The following DYNC2I2 variants were observed in gnomAD, a reference collection of about 807,000 sequenced individuals.
DYNC2I2 encodes the protein cytoplasmic dynein 2 intermediate chain 2.
DYNC2I2 carries 39 observed loss-of-function variants against 52.0 expected under a neutral mutation model. That is an observed-to-expected ratio of 0.75 (90% CI 0.58 to 0.98). DYNC2I2 has a LOEUF of 0.98. Among genes scored for constraint, DYNC2I2 ranks in the 50% least tolerant of loss-of-function variants. The pLI is 0.00. For missense variants in DYNC2I2, 743 were observed against 728.4 expected, an observed-to-expected ratio of 1.02 and a Z score of -0.23; for synonymous variants, 359 against 321.1, an observed-to-expected ratio of 1.12 and a Z score of -1.26.
the DYNC2I2 span, among the ~76,000 whole-genome samples, chr9:128,667,953 G>A: frequency 1.2e-4 from 13 of 112,812 alleles, no homozygotes; most frequent in Admixed American, 4.0e-4. Context: ...GGATGGTCTC[G>A]ATCTCTTTTT....
the DYNC2I2 span, among the ~76,000 whole-genome samples, chr9:128,671,018 G>C: frequency 6.9e-6 from 1 of 144,728 alleles, no homozygotes; most frequent in Non-Finnish European, 1.5e-5. Flanking sequence ...AGTGAGCCCA[G>C]ATTGCACCAT....
At chr9:128,647,747 A>AAAAGC (rs1212059174) in intron 1 of DYNC2I2, among the ~76,000 whole-genome samples, 1 of 151,818 alleles carries the variant, frequency 6.6e-6, no homozygotes, top group African/African-American at 2.4e-5. Flanking sequence ...AAAAAAAAAA[A>AAAAGC]AAAAGCGTTC....
chr9:128,634,942 C>A (rs757392206), intron 6 of DYNC2I2, 21 bp from the exon 7 acceptor site: 2 of 1,609,894 alleles, frequency 1.2e-6, no homozygotes, highest in East Asian at 4.5e-5. Flanking sequence ...ATGGCAGCAG[C>A]AGGGTCAGAG....
the DYNC2I2 span, among the ~76,000 whole-genome samples, chr9:128,676,972 C>T: frequency 2.0e-5 from 3 of 152,048 alleles, no homozygotes; most frequent in African/African-American, 7.2e-5. Context: ...CCTCAGCCTC[C>T]TAAGTAGCTG....
chr9:128,676,934 C>T, the DYNC2I2 span, among the ~76,000 whole-genome samples: 1 of 151,934 alleles, frequency 6.6e-6, no homozygotes, highest in African/African-American at 2.4e-5. Flanking sequence ...CTGCAAGCTC[C>T]ACCTCCTGGG....
At chr9:128,680,376 T>TG in the DYNC2I2 span, among the ~76,000 whole-genome samples, 1 of 149,956 alleles carries the variant, frequency 6.7e-6, no homozygotes. Flanking sequence ...TTATTATTAT[T>TG]ATTATTATTA....
Position 128,635,280 on chromosome 9 carries a change from G to C in DYNC2I2, c.814-21C>G. On this transcript the variant is annotated intron_variant, in intron 5 of 8. Coordinates refer to ENST00000372715, the MANE Select transcript of DYNC2I2 (RefSeq NM_052844.4). ...ACCACCTGAGTTAACAGCATGCAGG[G>C]CCAGGATGGAGACAAGGGACACCTG... 5 of 1,610,356 alleles carry C rather than the reference G, an allele frequency of 3.1e-6. No individual in the cohort carries two copies. In the South Asian group the frequency reaches 3.3e-5, roughly 11 times the overall value.
At chr9:128,669,949 A>G in the DYNC2I2 span, among the ~76,000 whole-genome samples, 2 of 152,210 alleles carry the variant, frequency 1.3e-5, no homozygotes, top group South Asian at 2.1e-4. Context: ...ACAGTGCTGA[A>G]ATTTCAGGCA....
At chr9:128,679,646 T>G in the DYNC2I2 span, among the ~76,000 whole-genome samples, 1 of 151,710 alleles carries the variant, frequency 6.6e-6, no homozygotes, top group African/African-American at 2.4e-5. Context: ...GTTTTTTGTT[T>G]TTTTTTGTTT....
rs1182638589 is a variant in DYNC2I2 at position 128,635,642 on chromosome 9, C to A, written c.813+16G>T. On this transcript the variant is annotated intron_variant, in intron 5 of 8. Coordinates refer to ENST00000372715, the MANE Select transcript of DYNC2I2 (RefSeq NM_052844.4). ...CTGCCTCAGGGCCCACCCCGCCCGG[C>A]AGCCCCTGCCCTGACCTGGGACACA... The A allele has an allele frequency of 1.9e-6, 3 of 1,588,612 alleles. No individual in the cohort carries two copies. Among genetic ancestry groups the A allele is most frequent in the Non-Finnish European group, 2.6e-6 (3 of 1,166,370 alleles).
chr9:128,654,300 G>A (rs1210557461), intron 1 of DYNC2I2, among the ~76,000 whole-genome samples: 1 of 152,110 alleles, frequency 6.6e-6, no homozygotes, highest in Non-Finnish European at 1.5e-5. Context: ...CCTTGGGGAG[G>A]ATTTGGGCTC....
the DYNC2I2 span, chr9:128,683,831 G>C: frequency 1.0e-4 from 142 of 1,373,218 alleles, no homozygotes; most frequent in Non-Finnish European, 1.3e-4. Flanking sequence ...GGCAGTCTCA[G>C]TGTTCAGCCT....
rs1860415240 is a variant in DYNC2I2 at position 128,636,390 on chromosome 9, C to T, written c.594G>A (p.Trp198Ter). The T allele has an allele frequency of 6.2e-7, 1 of 1,610,806 alleles. No individual in the cohort carries two copies. Among genetic ancestry groups the T allele is most frequent in the Non-Finnish European group, 8.5e-7 (1 of 1,179,034 alleles). The change falls in exon 4 of 9, where the codon TGG (tryptophan) becomes TGA (stop). Residue 198 changes from tryptophan (W) to a stop codon, truncating the protein, a stop_gained. Transcript: ENST00000372715. LOFTEE classifies it high-confidence loss of function. ...GACGCAGGTCTCGCCGGTCCAGGTTCCAGGCACACACGAAGGACTTAAGCG... is the reference window on the plus strand; with the variant it reads ...GACGCAGGTCTCGCCGGTCCAGGTTTCAGGCACACACGAAGGACTTAAGCG... ...WSTLKSFVCA[W>*]NLDRRDLRPQ...
rs530336328 is a variant in DYNC2I2, at chr9:128,634,797, G to A, written c.1106C>T (p.Ala369Val). ...PLKCSLAAGEAALTRMPSSVP... is the reference protein window; with the variant it reads ...PLKCSLAAGEVALTRMPSSVP... Reference sequence around the variant, plus strand: ...GGAGCTGGGCATCCGCGTGAGGGCTGCCTCTCCAGCTGCCAGGGAACACTT... The same window carrying A: ...GGAGCTGGGCATCCGCGTGAGGGCTACCTCTCCAGCTGCCAGGGAACACTT... Residue 369 changes from alanine (A) to valine (V), a missense_variant, in exon 7 of 9, where the codon GCA becomes GTA. Coordinates refer to ENST00000372715, the MANE Select transcript of DYNC2I2 (RefSeq NM_052844.4). The A allele has an allele frequency of 4.3e-5, 69 of 1,612,522 alleles. No individual in the cohort carries two copies. In the South Asian group the frequency reaches 7.2e-4, roughly 17 times the overall value.
chr9:128,634,143 TC>T (rs1195154671), intron 8 of DYNC2I2, 82 bp downstream of exon 8: 2 of 1,588,296 alleles, frequency 1.3e-6, no homozygotes, highest in African/African-American at 2.7e-5. Flanking sequence ...TGTGGTCTTT[TC>T]CCCAACCCAG....
chr9:128,661,155 A>C (rs927461585), upstream of DYNC2I2, among the ~76,000 whole-genome samples: 7 of 151,264 alleles, frequency 4.6e-5, no homozygotes, highest in Non-Finnish European at 1.0e-4. Context: ...CAGCCTGATG[A>C]ACATGGTGAA....
chr9:128,680,329 G>A, the DYNC2I2 span, among the ~76,000 whole-genome samples: 1 of 151,652 alleles, frequency 6.6e-6, no homozygotes, highest in South Asian at 2.1e-4. Flanking sequence ...CCAAAGTGCT[G>A]GGATTACAGG....
chr9:128,648,506 CCAGGCATGGTGGCT>C (rs754973324), intron 1 of DYNC2I2, among the ~76,000 whole-genome samples: 6 of 151,784 alleles, frequency 4.0e-5, no homozygotes, highest in Middle Eastern at 3.5e-3. Flanking sequence ...GCGGGCAGGG[CCAGGCATGGTGGCT>C]CAGGCCTGTA....
intron 1 of DYNC2I2, among the ~76,000 whole-genome samples, chr9:128,649,326 T>C (rs901393081): frequency 6.6e-6 from 1 of 152,000 alleles, no homozygotes; most frequent in East Asian, 1.9e-4. Flanking sequence ...CACCTGTAGT[T>C]CTTTCTACTC....
Sources: gnomAD v4.1 joint callset for allele counts (sites outside exome capture counted in the v4.1 genomes callset) on GRCh38, gnomAD v4.1.1 for gene constraint, MANE v1.5 for transcripts, NCBI Gene and HGNC (gene_info 2026-07-23, HGNC 2026-07-21) for gene names.